CNTNAP5: variants seen among roughly 807,000 people sequenced by gnomAD.
CNTNAP5 encodes the protein contactin-associated protein-like 5.
A neutral mutation model predicts 150.2 loss-of-function variants in CNTNAP5; 72 were observed. The observed-to-expected ratio is 0.48, with a 90% CI of 0.40 to 0.58. CNTNAP5 has a LOEUF of 0.58. Ranked by LOEUF, CNTNAP5 falls within the 20% of genes least tolerant of loss-of-function variation. The pLI is 0.00. For missense variants in CNTNAP5, 1,636 were observed against 1,626.2 expected (o/e 1.01, Z -0.10); for synonymous variants, 672 against 619.8 (o/e 1.08, Z -1.25).
intron 6 of CNTNAP5, among the ~76,000 whole-genome samples, chr2:124,456,382 A>T (rs921619669): frequency 3.3e-5 from 5 of 152,210 alleles, no homozygotes; most frequent in Admixed American, 6.5e-5. Flanking sequence ...GACCTCTACA[A>T]GAAAAACTAC....
chr2:124,698,425 T>C (rs1679451571), intron 13 of CNTNAP5, among the ~76,000 whole-genome samples: 1 of 149,920 alleles, frequency 6.7e-6, no homozygotes, highest in African/African-American at 2.5e-5. Flanking sequence ...TATTTATATG[T>C]ATATATTTAG....
intron 8 of CNTNAP5, among the ~76,000 whole-genome samples, chr2:124,513,138 T>A (rs1173361709): frequency 6.6e-6 from 1 of 152,190 alleles, no homozygotes; most frequent in Non-Finnish European, 1.5e-5. Flanking sequence ...AGACATATTT[T>A]CTCAGTTTTG....
chr2:124,146,799 AG>A (rs1290068998), intron 1 of CNTNAP5, among the ~76,000 whole-genome samples: 1 of 152,220 alleles, frequency 6.6e-6, no homozygotes, highest in African/African-American at 2.4e-5. Flanking sequence ...AGTAACAGAA[AG>A]GAAGACATTT....
At chr2:124,336,055 A>G (rs1417325374) in intron 3 of CNTNAP5, among the ~76,000 whole-genome samples, 2 of 152,156 alleles carry the variant, frequency 1.3e-5, no homozygotes, top group East Asian at 3.9e-4. Context: ...GAGATAAAAA[A>G]AAAACCTAGG....
At chr2:124,600,662 A>G (rs907228216) in intron 11 of CNTNAP5, among the ~76,000 whole-genome samples, 2 of 151,742 alleles carry the variant, frequency 1.3e-5, no homozygotes, top group Non-Finnish European at 2.9e-5. Flanking sequence ...ATCCACCACA[A>G]TGGCATGACA....
intron 19 of CNTNAP5, among the ~76,000 whole-genome samples, chr2:124,849,980 C>T (rs1683122972): frequency 6.6e-6 from 1 of 152,148 alleles, no homozygotes; most frequent in Non-Finnish European, 1.5e-5. Flanking sequence ...GAGGGAAGAA[C>T]TGTGTGAAAT....
rs1686821137 is a variant in CNTNAP5, at chr2:124,239,125, A to G, written c.188-3075A>G. Among the ~76,000 whole-genome samples, 4 of 152,160 alleles carry G rather than the reference A, an allele frequency of 2.6e-5. No individual in the cohort carries two copies. In the South Asian group the frequency reaches 8.3e-4, roughly 32 times the overall value. On this transcript the variant is annotated intron_variant, in intron 2 of 23. Transcript: ENST00000682447. ...ATAAGCTAAGTTTTTTTACTGTGGG[A>G]AAAAGGGAGCTATGATTTTCTTTAG...
chr2:124,561,160 G>T (rs1558954614), intron 10 of CNTNAP5, among the ~76,000 whole-genome samples: 1 of 152,156 alleles, frequency 6.6e-6, no homozygotes. Flanking sequence ...GTGTGGAAAG[G>T]TCATGGAAAA....
rs111489629 is a variant in CNTNAP5, at chr2:124,868,060, C to A, written c.3349-1615C>A. Among the ~76,000 whole-genome samples, 615 of 152,212 alleles carry A rather than the reference C, an allele frequency of 4.0e-3. 3 individuals are homozygous for A. Among genetic ancestry groups the A allele is most frequent in the African/African-American group, 0.014 (572 of 41,540 alleles). ...CATCTCGTGGATCAACAGCATCTACCTTTCCCCAAGCCACCCTTGCCCTTT... is the reference window on the plus strand; with the variant it reads ...CATCTCGTGGATCAACAGCATCTACATTTCCCCAAGCCACCCTTGCCCTTT... On this transcript the variant is annotated intron_variant, in intron 20 of 23. Transcript: ENST00000682447.
At chr2:124,300,700 G>A (rs1036114834) in intron 3 of CNTNAP5, among the ~76,000 whole-genome samples, 1 of 152,184 alleles carries the variant, frequency 6.6e-6, no homozygotes. Flanking sequence ...AGTAGGGCCA[G>A]GAACTTTTTC....
chr2:124,389,992 C>T (rs1052344677), intron 3 of CNTNAP5, among the ~76,000 whole-genome samples: 40 of 150,850 alleles, frequency 2.7e-4, no homozygotes, highest in African/African-American at 9.8e-4. Flanking sequence ...ATAGTAATAA[C>T]AATAATAATA....
At chr2:124,344,683 A>C (rs1020684203) in intron 3 of CNTNAP5, among the ~76,000 whole-genome samples, 21 of 152,116 alleles carry the variant, frequency 1.4e-4, no homozygotes, top group African/African-American at 4.8e-4. Context: ...TTGGGCCCAG[A>C]AGTTGGAGGT....
At chr2:124,900,363 T>C (rs1189890786) in intron 21 of CNTNAP5, among the ~76,000 whole-genome samples, 1 of 151,540 alleles carries the variant, frequency 6.6e-6, no homozygotes, top group Non-Finnish European at 1.5e-5. Context: ...TTTTTGTTTT[T>C]TTTCCTCTCC....
chr2:124,490,456 G>A (rs562387545), intron 7 of CNTNAP5, among the ~76,000 whole-genome samples: 1 of 151,958 alleles, frequency 6.6e-6, no homozygotes, highest in South Asian at 2.1e-4. Flanking sequence ...GAAAGAAAGA[G>A]CAGGAATAAT....
At chr2:124,818,781 A>G (rs1682423823) in intron 19 of CNTNAP5, among the ~76,000 whole-genome samples, 1 of 152,058 alleles carries the variant, frequency 6.6e-6, no homozygotes, top group East Asian at 1.9e-4. Context: ...TGAGAGACCA[A>G]CTGCATTTCT....
chr2:124,753,530 C>T (rs1680775415), intron 14 of CNTNAP5, among the ~76,000 whole-genome samples: 1 of 152,212 alleles, frequency 6.6e-6, no homozygotes, highest in Non-Finnish European at 1.5e-5. Flanking sequence ...ATGCCTTTTG[C>T]TACAGATTGA....
intron 1 of CNTNAP5, among the ~76,000 whole-genome samples, chr2:124,162,324 T>G (rs1450700888): frequency 6.6e-6 from 1 of 152,216 alleles, no homozygotes; most frequent in Non-Finnish European, 1.5e-5. Context: ...TTTATAGGTA[T>G]TACTTCATTT....
At chr2:124,155,441 C>T (rs776675672) in intron 1 of CNTNAP5, among the ~76,000 whole-genome samples, 2 of 150,706 alleles carry the variant, frequency 1.3e-5, no homozygotes, top group African/African-American at 2.4e-5. Context: ...AAATGAATAG[C>T]GTGTGTGTGT....
chr2:124,666,075 T>C (rs1347574825), intron 13 of CNTNAP5, among the ~76,000 whole-genome samples: 1 of 152,098 alleles, frequency 6.6e-6, no homozygotes, highest in Admixed American at 6.5e-5. Context: ...GTGACCTGGG[T>C]AAAATATAAC....
Sources: allele counts gnomAD v4.1 joint callset (sites outside exome capture counted in the v4.1 genomes callset), GRCh38; gene constraint gnomAD v4.1.1; transcripts MANE v1.5; gene names NCBI Gene and HGNC (gene_info 2026-07-23, HGNC 2026-07-21).